BMPER: variants seen among roughly 807,000 people sequenced by gnomAD.
BMPER encodes BMP binding endothelial regulator.
BMPER carries 45 observed loss-of-function variants against 87.3 expected under a neutral mutation model. The ratio of observed to expected loss-of-function variants is 0.52; its 90% confidence interval spans 0.41 to 0.66. The LOEUF (loss-of-function observed/expected upper bound fraction) is 0.66, where lower values mean the gene tolerates loss of function less well. Ranked by LOEUF, BMPER falls within the 30% of genes least tolerant of loss-of-function variation. BMPER has a pLI of 0.00. For missense variants in BMPER, 784 were observed against 867.5 expected, an observed-to-expected ratio of 0.90 and a Z score of 1.21; for synonymous variants, 326 against 316.2, an observed-to-expected ratio of 1.03 and a Z score of -0.33.
At chr7:34,032,289 T>G (rs1374259098) in intron 6 of BMPER, among the ~76,000 whole-genome samples, 2 of 152,010 alleles carry the variant, frequency 1.3e-5, no homozygotes, top group African/African-American at 4.8e-5. Context: ...CCTCCTTGAT[T>G]TAGAATCTGG....
chr7:34,039,973 G>A (rs186863114), intron 6 of BMPER, among the ~76,000 whole-genome samples: 4 of 152,036 alleles, frequency 2.6e-5, no homozygotes, highest in Admixed American at 6.5e-5. Context: ...GTAACTGAAT[G>A]GCAAAAAGAG....
At chr7:34,046,503 G>T in intron 7 of BMPER, 98 bp downstream of exon 7, 5 of 1,276,128 alleles carry the variant, frequency 3.9e-6, no homozygotes, top group Non-Finnish European at 5.7e-6. Flanking sequence ...TTCTCAAGTT[G>T]TCCTATTTCG....
intron 6 of BMPER, among the ~76,000 whole-genome samples, chr7:34,041,807 C>T (rs746075158): frequency 1.3e-5 from 2 of 151,946 alleles, no homozygotes; most frequent in African/African-American, 4.8e-5. Flanking sequence ...CTATTTTTTT[C>T]CCCAAAGAAT....
At chr7:34,067,575 G>A (rs1264407689) in intron 11 of BMPER, among the ~76,000 whole-genome samples, 3 of 151,966 alleles carry the variant, frequency 2.0e-5, no homozygotes, top group Non-Finnish European at 4.4e-5. Context: ...AAGGAAATTC[G>A]AAACCAGAGC....
intron 13 of BMPER, among the ~76,000 whole-genome samples, chr7:34,116,038 G>A (rs762813882): frequency 5.3e-5 from 8 of 152,128 alleles, no homozygotes; most frequent in Non-Finnish European, 1.2e-4. Context: ...TATAGTTTTG[G>A]TTTGCATTTT....
chr7:33,941,827 C>T (rs1055666775), intron 3 of BMPER, among the ~76,000 whole-genome samples: 1 of 152,086 alleles, frequency 6.6e-6, no homozygotes, highest in African/African-American at 2.4e-5. Context: ...AGGTCCGTGG[C>T]CCAGGCAGGG....
chr7:34,002,856 A>G (rs1228638222), intron 6 of BMPER, among the ~76,000 whole-genome samples: 2 of 151,558 alleles, frequency 1.3e-5, no homozygotes, highest in South Asian at 2.1e-4. Flanking sequence ...TTTGCATAGT[A>G]TATCTTTCTT....
At chr7:34,138,037 ACT>A (rs1360743038) in intron 13 of BMPER, among the ~76,000 whole-genome samples, 5 of 152,064 alleles carry the variant, frequency 3.3e-5, no homozygotes, top group Admixed American at 3.3e-4. Context: ...TTCTCAATCC[ACT>A]CTGTCCAATA....
chr7:34,058,182 T>A lies in BMPER; in HGVS notation c.1032+19T>A, dbSNP rs750317118. The A allele has an allele frequency of 1.9e-6, 3 of 1,605,816 alleles. No individual in the cohort carries two copies. The South Asian group carries it at 3.3e-5, about 18-fold the overall frequency. On this transcript the variant is annotated intron_variant, in intron 10 of 14. Transcript: ENST00000649409. ...CCCACAGGTATGTTTGGAACACAGA[T>A]TGACTTTACCTTAGCGTCTTGAGAA... is the stretch of plus-strand genomic sequence containing the variant.
chr7:33,964,019 A>G (rs558954278), intron 3 of BMPER, among the ~76,000 whole-genome samples: 1 of 152,338 alleles, frequency 6.6e-6, no homozygotes, highest in Non-Finnish European at 1.5e-5. Context: ...AATAGAATTA[A>G]TTGTAAAGAA....
chr7:33,929,899 A>C (rs555249175), intron 2 of BMPER, among the ~76,000 whole-genome samples: 1 of 152,344 alleles, frequency 6.6e-6, no homozygotes, highest in East Asian at 1.9e-4. Flanking sequence ...CCTGGAAAAC[A>C]CTATGTTACT....
At chr7:34,077,891 G>C (rs1347267643) in intron 11 of BMPER, among the ~76,000 whole-genome samples, 1 of 151,528 alleles carries the variant, frequency 6.6e-6, no homozygotes, top group East Asian at 1.9e-4. Flanking sequence ...TATTATTCTA[G>C]TGTTGGCTGG....
intron 4 of BMPER, among the ~76,000 whole-genome samples, chr7:33,968,971 G>A (rs1785470572): frequency 6.6e-6 from 1 of 152,176 alleles, no homozygotes; most frequent in Non-Finnish European, 1.5e-5. Context: ...CTTCAGTTAT[G>A]TAACTAAAGC....
At chr7:34,004,053 G>A (rs917112217) in intron 6 of BMPER, among the ~76,000 whole-genome samples, 1 of 152,024 alleles carries the variant, frequency 6.6e-6, no homozygotes, top group Non-Finnish European at 1.5e-5. Context: ...ACACTTAGTA[G>A]CGTTCCACAC....
intron 2 of BMPER, among the ~76,000 whole-genome samples, chr7:33,922,488 G>A (rs1228913417): frequency 6.6e-6 from 1 of 152,130 alleles, no homozygotes; most frequent in Non-Finnish European, 1.5e-5. Context: ...TTATTTTATT[G>A]TTGTTGTTGT....
At chr7:34,095,624 G>A (rs1789508571) in intron 13 of BMPER, among the ~76,000 whole-genome samples, 1 of 152,200 alleles carries the variant, frequency 6.6e-6, no homozygotes, top group Admixed American at 6.5e-5. Context: ...TCTCCTCTGA[G>A]AAAAGTGAAA....
At chr7:33,961,170 T>C (rs17170501) in intron 3 of BMPER, among the ~76,000 whole-genome samples, 1,813 of 152,262 alleles carry the variant, frequency 0.012, 33 homozygotes, top group African/African-American at 0.041. Context: ...GTACAGCTTC[T>C]CTGCAATGGA....
intron 13 of BMPER, among the ~76,000 whole-genome samples, chr7:34,134,262 C>A (rs1790663985): frequency 6.6e-6 from 1 of 152,164 alleles, no homozygotes; most frequent in Non-Finnish European, 1.5e-5. Context: ...TTCTGCCAAG[C>A]ACCATTTTTA....
intron 3 of BMPER, 35 bp from the exon 4 acceptor site, chr7:33,966,444 T>A: frequency 6.4e-7 from 1 of 1,571,646 alleles, no homozygotes; most frequent in East Asian, 2.2e-5. Context: ...TACCCATTCT[T>A]GGCCTTTCTT....
Sources: gnomAD v4.1 joint callset for allele counts (sites outside exome capture counted in the v4.1 genomes callset) on GRCh38, gnomAD v4.1.1 for gene constraint, MANE v1.5 for transcripts, NCBI Gene and HGNC (gene_info 2026-07-23, HGNC 2026-07-21) for gene names.